CNEP1R1: variants seen among roughly 807,000 people sequenced by gnomAD.
The protein encoded by CNEP1R1 is nuclear envelope phosphatase-regulatory subunit 1.
Under a neutral mutation model 22.7 loss-of-function variants are expected in CNEP1R1, and 10 were observed. The observed-to-expected ratio is 0.44, with a 90% CI of 0.27 to 0.75. CNEP1R1 has a LOEUF of 0.75. Ranked by LOEUF, CNEP1R1 falls within the 30% of genes least tolerant of loss-of-function variation. The probability of loss-of-function intolerance (pLI) is 0.17; values close to 1 mark genes in which losing one functional copy is unlikely to be tolerated. For synonymous variants in CNEP1R1, 53 were observed against 50.1 expected, an observed-to-expected ratio of 1.06 and a Z score of -0.25; for missense variants, 73 against 151.5, an observed-to-expected ratio of 0.48 and a Z score of 2.72.
rs1192302154 is a variant in CNEP1R1, at chr16:50,034,082, C to T, written c.282-20C>T. On this transcript the variant is annotated intron_variant, in intron 4 of 5. Transcript: ENST00000427478. Reference sequence around the variant, plus strand: ...CATACTCTTGAAATGAGAAATTTTCCTTTGACCACATGTATTCAGTATAGC... The same window carrying T: ...CATACTCTTGAAATGAGAAATTTTCTTTTGACCACATGTATTCAGTATAGC... 1.9e-6 allele frequency: 3 copies of T among 1,578,500 alleles called. 1 individual carries two copies. Among genetic ancestry groups the T allele is most frequent in the Middle Eastern group, 3.3e-4 (2 of 6,012 alleles).
In CNEP1R1 at chr16:50,025,315, C is replaced by T. The variant is rs1273313894; in HGVS notation, c.-1C>T. On this transcript the variant is annotated 5_prime_UTR_variant, in exon 1 of 6. Coordinates refer to ENST00000427478, the MANE Select transcript of CNEP1R1 (RefSeq NM_001281789.2). ...GGCGGTGACCCGAGCTGCCGCCCGACATGAACTCGCTGGAGCAGGCGGAAG... is the reference window on the plus strand; with the variant it reads ...GGCGGTGACCCGAGCTGCCGCCCGATATGAACTCGCTGGAGCAGGCGGAAG... 1.0e-5 allele frequency: 15 copies of T among 1,432,678 alleles called. No homozygotes were observed. Among genetic ancestry groups the T allele is most frequent in the African/African-American group, 3.0e-5 (2 of 67,396 alleles). The allele number at this position is 1,432,678 out of a possible 1,614,324, so 88.7% of individuals were successfully genotyped here. A position where few individuals can be genotyped will look rare whatever the true frequency, so the allele number is the denominator to read the frequency against.
At chr16:50,032,296 G>T (rs1184448666) in intron 3 of CNEP1R1, among the ~76,000 whole-genome samples, 1 of 152,094 alleles carries the variant, frequency 6.6e-6, no homozygotes, top group East Asian at 1.9e-4. Flanking sequence ...TTCCATTTCG[G>T]TGCCTATTCT....
At chr16:50,028,904 A>G (rs2036209192) in intron 2 of CNEP1R1, among the ~76,000 whole-genome samples, 1 of 152,148 alleles carries the variant, frequency 6.6e-6, no homozygotes, top group Non-Finnish European at 1.5e-5. Context: ...TTCTAAAAGT[A>G]CATCAAGGAA....
intron 3 of CNEP1R1, among the ~76,000 whole-genome samples, chr16:50,030,613 A>G (rs1246047660): frequency 6.6e-6 from 1 of 152,232 alleles, no homozygotes; most frequent in East Asian, 1.9e-4. Context: ...AAGTTGGACC[A>G]TGAGGTCAAA....
Position 50,031,313 on chromosome 16 carries a change from G to C in CNEP1R1, c.171+1515G>C, listed in dbSNP as rs559370804. Among the ~76,000 whole-genome samples the C allele has an allele frequency of 6.6e-5, 10 of 152,300 alleles. 1 individual carries two copies. In the South Asian group the frequency reaches 2.1e-3, roughly 32 times the overall value. On this transcript the variant is annotated intron_variant, in intron 3 of 5. Coordinates refer to ENST00000427478, the MANE Select transcript of CNEP1R1 (RefSeq NM_001281789.2). Reference sequence around the variant, plus strand: ...CCCTAACTTTATCTGCTGAGGTGGAGATATTTAAAAGGATAGGAAGCAAGG... The same window carrying C: ...CCCTAACTTTATCTGCTGAGGTGGACATATTTAAAAGGATAGGAAGCAAGG...
At chr16:50,026,588 C>G in intron 2 of CNEP1R1, 121 bp downstream of exon 2, 1 of 731,570 alleles carries the variant, frequency 1.4e-6, no homozygotes. Context: ...TAGACAATGC[C>G]TTATGAAGAA....
In CNEP1R1 at chr16:50,032,354, A is replaced by G. The variant is rs190586757; in HGVS notation, c.172-1043A>G. Among the ~76,000 whole-genome samples the G allele has an allele frequency of 1.6e-4, 24 of 152,114 alleles. No individual in the cohort carries two copies. In the East Asian group the frequency reaches 4.6e-3, roughly 29 times the overall value. Reference sequence around the variant, plus strand: ...CCCTTGTCCCTCTACATATTCTTAGACTTGTGGATTGTCCTGTTTTCTGCT... The same window carrying G: ...CCCTTGTCCCTCTACATATTCTTAGGCTTGTGGATTGTCCTGTTTTCTGCT... On this transcript the variant is annotated intron_variant, in intron 3 of 5. Coordinates refer to ENST00000427478, the MANE Select transcript of CNEP1R1 (RefSeq NM_001281789.2).
Position 50,035,723 on chromosome 16 carries a change from G to C in CNEP1R1, c.*265G>C, listed in dbSNP as rs2036270438. On this transcript the variant is annotated 3_prime_UTR_variant, in exon 6 of 6. Coordinates refer to ENST00000427478, the MANE Select transcript of CNEP1R1 (RefSeq NM_001281789.2). ...ATATTTTTGCAGATGAAGTATGTAT[G>C]TATGTTACTAAGTTAAACTTAGAAA... is the stretch of plus-strand genomic sequence containing the variant. The C allele has an allele frequency of 2.7e-6, 1 of 373,056 alleles. No homozygotes were observed. 23.1% of individuals were successfully genotyped at this position (373,056 alleles called of 1,614,324 possible). A position where few individuals can be genotyped will look rare whatever the true frequency, so the allele number is the denominator to read the frequency against.
At chr16:50,034,215 C>A in intron 5 of CNEP1R1, 59 bp downstream of exon 5, 1 of 1,240,764 alleles carries the variant, frequency 8.1e-7, no homozygotes, top group Non-Finnish European at 1.2e-6. Context: ...AAATTTTTGG[C>A]TTTAGAAAGG....
chr16:50,034,122 C>T lies in CNEP1R1; in HGVS notation c.302C>T (p.Thr101Met), dbSNP rs748171448. The T allele has an allele frequency of 8.2e-6, 13 of 1,593,428 alleles. No individual in the cohort carries two copies. Among genetic ancestry groups the T allele is most frequent in the Admixed American group, 1.8e-5 (1 of 56,764 alleles). ...TTCAGTATAGCTGCTCGATGTCGAA[C>T]GGTATTAGCAGAATACAATATGTCT... ...APSIIAARCR[T>M]VLAEYNMSCD... Residue 101 changes from threonine (T) to methionine (M), a missense_variant, in exon 5 of 6, where the codon ACG (threonine) becomes ATG (methionine). Thr to Met is a moderately conservative substitution (Grantham distance 81). Transcript: ENST00000427478.
chr16:50,036,612 A>G lies in CNEP1R1; in HGVS notation c.*1154A>G, dbSNP rs1164447925. ...GTGTAATTGGTCATCCTATGCCTTC[A>G]CCAGAATAACTTGGGAGTGGTGCCA... is the stretch of plus-strand genomic sequence containing the variant. On this transcript the variant is annotated 3_prime_UTR_variant, in exon 6 of 6. Coordinates refer to ENST00000427478, the MANE Select transcript of CNEP1R1 (RefSeq NM_001281789.2). The G allele has an allele frequency of 6.6e-6, 1 of 152,428 alleles. No individual in the cohort carries two copies. Among genetic ancestry groups the G allele is most frequent in the African/African-American group, 2.4e-5 (1 of 41,432 alleles). 9.4% of individuals were successfully genotyped at this position (152,428 alleles called of 1,614,324 possible). A position where few individuals can be genotyped will look rare whatever the true frequency, so the allele number is the denominator to read the frequency against.
intron 5 of CNEP1R1, 21 bp from the exon 6 acceptor site, chr16:50,035,396 T>G (rs754825142): frequency 4.1e-6 from 6 of 1,458,560 alleles, no homozygotes; most frequent in Admixed American, 1.9e-5. Context: ...TTGAAAAAAT[T>G]CTGTCTTTTC....
intron 4 of CNEP1R1, among the ~76,000 whole-genome samples, chr16:50,033,725 G>A (rs1381457684): frequency 6.6e-6 from 1 of 151,574 alleles, no homozygotes; most frequent in African/African-American, 2.4e-5. Context: ...TTAGCCAGGT[G>A]TGGTGGTCTG....
In CNEP1R1 at chr16:50,037,069, A is replaced by G. The variant is rs1234898450; in HGVS notation, c.*1611A>G. 6.9e-6 allele frequency: 1 copy of G among 145,058 alleles called. No individual in the cohort carries two copies. The highest frequency in any genetic ancestry group is 3.3e-3 in the Middle Eastern group (1 of 300). The allele number at this position is 145,058 out of a possible 1,614,324, so 9.0% of individuals were successfully genotyped here. ...GTAAATATGTGCATTAAAAATAAATACTTTATATATAACTCGTGATTGGAC... is the reference window on the plus strand; with the variant it reads ...GTAAATATGTGCATTAAAAATAAATGCTTTATATATAACTCGTGATTGGAC... On this transcript the variant is annotated 3_prime_UTR_variant, in exon 6 of 6. Transcript: ENST00000427478.
chr16:50,025,292 C>T lies in CNEP1R1; in HGVS notation c.-24C>T, dbSNP rs1041799063. ...AGCTGCGATGCGGACAGGGCAGCGG[C>T]GGTGACCCGAGCTGCCGCCCGACAT... On this transcript the variant is annotated 5_prime_UTR_variant, in exon 1 of 6. Transcript: ENST00000427478. The T allele has an allele frequency of 7.5e-5, 107 of 1,427,664 alleles. No homozygotes were observed. The highest frequency in any genetic ancestry group is 7.2e-4 in the Middle Eastern group (3 of 4,156). 88.4% of individuals were successfully genotyped at this position (1,427,664 alleles called of 1,614,324 possible).
At position 50,025,523 on chromosome 16, in the gene CNEP1R1, T is replaced by C. The variant is rs184025539; in HGVS notation, c.25+183T>C. The C allele has an allele frequency of 2.0e-3, 2,196 of 1,087,192 alleles. 28 individuals are homozygous for C. The African/African-American group carries it at 0.032, about 16-fold the overall frequency. The allele number at this position is 1,087,192 out of a possible 1,614,324, so 67.3% of individuals were successfully genotyped here. A position where few individuals can be genotyped will look rare whatever the true frequency, so the allele number is the denominator to read the frequency against. Reference sequence around the variant, plus strand: ...CAGACGCGGGGGGCGGTGCCTCAGCTCCCTGAGTCCCCACAAACCTAGAGG... The same window carrying C: ...CAGACGCGGGGGGCGGTGCCTCAGCCCCCTGAGTCCCCACAAACCTAGAGG... On this transcript the variant is annotated intron_variant, in intron 1 of 5. Coordinates refer to ENST00000427478, the MANE Select transcript of CNEP1R1 (RefSeq NM_001281789.2).
chr16:50,031,146 T>C (rs1189258505), intron 3 of CNEP1R1, among the ~76,000 whole-genome samples: 2 of 152,238 alleles, frequency 1.3e-5, no homozygotes, highest in Non-Finnish European at 2.9e-5. Flanking sequence ...CTCCCCGCTT[T>C]AAGCTGCAAT....
chr16:50,029,894 A>T (rs2036217242), intron 3 of CNEP1R1, 96 bp downstream of exon 3: 1 of 689,156 alleles, frequency 1.5e-6, no homozygotes. Context: ...ACTACCTATT[A>T]ACTACTACTA....
chr16:50,027,895 CA>C (rs1425659645), intron 2 of CNEP1R1, among the ~76,000 whole-genome samples: 2 of 152,052 alleles, frequency 1.3e-5, no homozygotes, highest in Non-Finnish European at 2.9e-5. Context: ...GAAATGTGGA[CA>C]AATATATGAG....
Sources: gnomAD v4.1 joint callset for allele counts (sites outside exome capture counted in the v4.1 genomes callset) on GRCh38, gnomAD v4.1.1 for gene constraint, MANE v1.5 for transcripts, NCBI Gene and HGNC (gene_info 2026-07-23, HGNC 2026-07-21) for gene names.